TRAPPC11: variants seen among roughly 807,000 people sequenced by gnomAD.
TRAPPC11 encodes trafficking protein particle complex subunit 11, also known as foie gras homolog.
Under a neutral mutation model 151.2 loss-of-function variants are expected in TRAPPC11, and 104 were observed. The ratio of observed to expected loss-of-function variants is 0.69; its 90% CI spans 0.59 to 0.81. The LOEUF (loss-of-function observed/expected upper bound fraction) is 0.81. Ranked by LOEUF, TRAPPC11 falls within the 30% of genes least tolerant of loss-of-function variation. The probability of loss-of-function intolerance (pLI) is 0.00; values close to 1 mark genes in which losing one functional copy is unlikely to be tolerated. For missense variants in TRAPPC11, 1,230 were observed against 1,349.6 expected, an observed-to-expected ratio of 0.91 and a Z score of 1.39; for synonymous variants, 456 against 472.3, an observed-to-expected ratio of 0.97 and a Z score of 0.45.
At chr4:183,695,105 C>T (rs1465603342) in intron 23 of TRAPPC11, among the ~76,000 whole-genome samples, 2 of 151,994 alleles carry the variant, frequency 1.3e-5, no homozygotes, top group Non-Finnish European at 2.9e-5. Flanking sequence ...TGCACCACCA[C>T]ACCCAGCTAA....
Position 183,701,681 on chromosome 4 carries a change from A to C in TRAPPC11, c.2852-16A>C. On this transcript the variant is annotated splice_polypyrimidine_tract_variant and intron_variant, in intron 25 of 29. Transcript: ENST00000334690. ...TGAAACCATTGCATAAGGAATATAAAGACTTTTCCCTGTAGTTATCTTACA... is the reference window on the plus strand; with the variant it reads ...TGAAACCATTGCATAAGGAATATAACGACTTTTCCCTGTAGTTATCTTACA... 2 of 1,565,032 alleles carry C rather than the reference A, an allele frequency of 1.3e-6. No homozygotes were observed. The highest frequency in any genetic ancestry group is 1.8e-6 in the Non-Finnish European group (2 of 1,135,398).
At chr4:183,681,296 AT>A (rs1370679140) in intron 10 of TRAPPC11, among the ~76,000 whole-genome samples, 4 of 151,860 alleles carry the variant, frequency 2.6e-5, no homozygotes, top group Non-Finnish European at 4.4e-5. Flanking sequence ...AAATGAATGG[AT>A]TTTTTTCTCT....
Position 183,674,749 on chromosome 4 carries a change from T to G in TRAPPC11, c.597T>G (p.Tyr199Ter), listed in dbSNP as rs373475855. 4 of 1,590,996 alleles carry G rather than the reference T, an allele frequency of 2.5e-6. No individual in the cohort carries two copies. The African/African-American group carries it at 5.5e-5, about 22-fold the overall frequency. Residue 199 changes from tyrosine to a stop codon, truncating the protein, a stop_gained, in exon 6 of 30, where the codon TAT (tyrosine) becomes TAG (stop). Transcript: ENST00000334690. LOFTEE classifies it high-confidence loss of function. ...ENAFYEHAQTYYYTEIRRVKS... is the reference protein window; with the variant it reads ...ENAFYEHAQT Reference sequence around the variant, plus strand: ...CCTTTTATGAACATGCACAGACTTATTACTACACTGAGATCAGAAGAGTGA... The same window carrying G: ...CCTTTTATGAACATGCACAGACTTAGTACTACACTGAGATCAGAAGAGTGA...
At chr4:183,691,285 A>G in intron 18 of TRAPPC11, 31 bp from the exon 19 acceptor site, 1 of 1,435,366 alleles carries the variant, frequency 7.0e-7, no homozygotes, top group Non-Finnish European at 9.3e-7. Flanking sequence ...CAGACATCTG[A>G]CATTTGATGA....
At chr4:183,700,505 A>G (rs1201120935) in intron 25 of TRAPPC11, among the ~76,000 whole-genome samples, 2 of 152,202 alleles carry the variant, frequency 1.3e-5, no homozygotes, top group African/African-American at 2.4e-5. Context: ...GCCTGCTTGC[A>G]TTTGAAGCTG....
rs1275717721 is a variant in TRAPPC11, at chr4:183,697,770, C to G, written c.2786C>G (p.Ser929Cys). ...SASPWALTIV[S>C]SELQLAPSMT... is the part of the protein sequence containing the mutation. ...TCACCCTGGGCCCTCACTATTGTTT[C>G]CAGTGAGCTCCAGCTTGCTCCATCC... The change falls in exon 25 of 30, where the codon TCC becomes TGC. Residue 929 changes from serine to cysteine, a missense_variant. By Grantham distance (112) the Ser-to-Cys change is moderately radical. Transcript: ENST00000334690. The G allele has an allele frequency of 5.6e-6, 9 of 1,613,936 alleles. No individual in the cohort carries two copies. The highest frequency in any genetic ancestry group is 7.6e-6 in the Non-Finnish European group (9 of 1,180,018).
At chr4:183,667,818 A>G (rs1734959117) in intron 4 of TRAPPC11, 185 bp from the exon 5 acceptor site, 2 of 593,526 alleles carry the variant, frequency 3.4e-6, no homozygotes, top group Non-Finnish European at 5.9e-6. Flanking sequence ...CCTAAAAGGC[A>G]TATACTGTGT....
At chr4:183,660,809 G>A (rs1178918710) in intron 1 of TRAPPC11, among the ~76,000 whole-genome samples, 1 of 152,196 alleles carries the variant, frequency 6.6e-6, no homozygotes, top group Non-Finnish European at 1.5e-5. Flanking sequence ...CGCCTCCCGG[G>A]TTCAAGCCAT....
At chr4:183,697,880 CGCGTGT>C in intron 25 of TRAPPC11, 45 bp downstream of exon 25, 16 of 1,544,140 alleles carry the variant, frequency 1.0e-5, no homozygotes, top group African/African-American at 2.8e-5. Flanking sequence ...GAATTGTGCG[CGCGTGT>C]GTGTGTGTGT....
chr4:183,665,158 G>C (rs527482544), intron 2 of TRAPPC11, among the ~76,000 whole-genome samples: 28 of 143,760 alleles, frequency 1.9e-4, no homozygotes, highest in Admixed American at 3.6e-4. Context: ...GCTGTGGCGC[G>C]ATATCGGCTC....
rs928353026 is a variant in TRAPPC11, at chr4:183,659,298, C to A, written c.-171C>A. 2 of 270,562 alleles carry A rather than the reference C, an allele frequency of 7.4e-6. No individual in the cohort carries two copies. The highest frequency in any genetic ancestry group is 1.4e-5 in the Non-Finnish European group (2 of 144,544). The allele number at this position is 270,562 out of a possible 1,614,324, so 16.8% of individuals were successfully genotyped here. On this transcript the variant is annotated 5_prime_UTR_variant, in exon 1 of 30. Coordinates refer to ENST00000334690, the MANE Select transcript of TRAPPC11 (RefSeq NM_021942.6). ...CTTCCTGTGCCGGGGGAGGTGGGTA[C>A]AGGGAAGTCTCGCCTGTTGGAACTG...
intron 5 of TRAPPC11, among the ~76,000 whole-genome samples, chr4:183,671,888 G>T (rs988869149): frequency 6.6e-6 from 1 of 152,226 alleles, no homozygotes; most frequent in Non-Finnish European, 1.5e-5. Flanking sequence ...GTTAGAATAA[G>T]GAGCAGCTCG....
intron 27 of TRAPPC11, chr4:183,706,178 T>G (rs1488945544): frequency 6.6e-6 from 1 of 152,270 alleles, no homozygotes; most frequent in Non-Finnish European, 1.5e-5. Context: ...CTTTTGCTTA[T>G]TCTAGTTTAG....
At chr4:183,664,685 T>G (rs546669715) in intron 2 of TRAPPC11, among the ~76,000 whole-genome samples, 100 of 152,278 alleles carry the variant, frequency 6.6e-4, no homozygotes, top group African/African-American at 2.2e-3. Context: ...CTAACATAGT[T>G]GTAAAAAAAC....
intron 20 of TRAPPC11, 81 bp from the exon 21 acceptor site, chr4:183,693,508 T>C: frequency 6.8e-7 from 1 of 1,462,446 alleles, no homozygotes; most frequent in Non-Finnish European, 9.2e-7. Context: ...ACCCAGCCTC[T>C]TATTTCTTTT....
intron 7 of TRAPPC11, among the ~76,000 whole-genome samples, chr4:183,676,441 CGCCTG>C (rs1735415510): frequency 6.6e-6 from 1 of 152,056 alleles, no homozygotes; most frequent in Admixed American, 6.5e-5. Flanking sequence ...TGAGCCACTG[CGCCTG>C]GCCTGTAGTT....
chr4:183,710,924 G>A (rs575763839), intron 29 of TRAPPC11, among the ~76,000 whole-genome samples: 5 of 151,866 alleles, frequency 3.3e-5, no homozygotes, highest in Admixed American at 2.0e-4. Flanking sequence ...CCAGCTACTT[G>A]GGAGGCCGAG....
chr4:183,664,132 C>T (rs554973130), intron 2 of TRAPPC11, 61 bp downstream of exon 2: 81 of 1,408,218 alleles, frequency 5.8e-5, no homozygotes, highest in Non-Finnish European at 2.0e-5. Flanking sequence ...GTGTGTGTGT[C>T]TTTTTTGTTC....
intron 9 of TRAPPC11, 121 bp from the exon 10 acceptor site, chr4:183,679,999 G>C: frequency 2.7e-6 from 2 of 741,864 alleles, no homozygotes; most frequent in Non-Finnish European, 4.3e-6. Context: ...AATATTAACT[G>C]TTCATCAATA....
Sources: gnomAD v4.1 joint callset for allele counts (sites outside exome capture counted in the v4.1 genomes callset) on GRCh38, gnomAD v4.1.1 for gene constraint, MANE v1.5 for transcripts, NCBI Gene and HGNC (gene_info 2026-07-23, HGNC 2026-07-21) for gene names.